Variants in ABTB3 observed in about 807,000 individuals in gnomAD.
The protein encoded by ABTB3 is ankyrin repeat and BTB domain containing 3.
chr12:107,583,678 A>G, the ABTB3 span, among the ~76,000 whole-genome samples: 10 of 152,198 alleles, frequency 6.6e-5, no homozygotes, highest in Non-Finnish European at 1.3e-4. Flanking sequence ...CTCTTTCTGC[A>G]TGGTCTAGCG....
At chr12:107,322,841 G>A in the ABTB3 span, among the ~76,000 whole-genome samples, 1 of 152,210 alleles carries the variant, frequency 6.6e-6, no homozygotes, top group Non-Finnish European at 1.5e-5. Context: ...AGTGACAGAT[G>A]AGTTCCCTGC....
the ABTB3 span, among the ~76,000 whole-genome samples, chr12:107,573,464 C>CGATGGATGGATGGATG: frequency 4.3e-3 from 597 of 139,610 alleles, 5 homozygotes; most frequent in East Asian, 0.024. Flanking sequence ...GTGGATGAAT[C>CGATGGATGGATGGATG]GATGGATGGA....
the ABTB3 span, among the ~76,000 whole-genome samples, chr12:107,388,269 G>T: frequency 3.3e-5 from 5 of 152,002 alleles, no homozygotes; most frequent in African/African-American, 9.6e-5. Context: ...ACCGCACCCG[G>T]CCCTTCTTCT....
At chr12:107,554,160 G>T in the ABTB3 span, among the ~76,000 whole-genome samples, 1 of 152,192 alleles carries the variant, frequency 6.6e-6, no homozygotes, top group Non-Finnish European at 1.5e-5. Flanking sequence ...AGTAGGTTAT[G>T]TCTCACCTGC....
At chr12:107,562,189 G>C in the ABTB3 span, among the ~76,000 whole-genome samples, 5 of 152,162 alleles carry the variant, frequency 3.3e-5, no homozygotes, top group African/African-American at 1.2e-4. Flanking sequence ...CAAAATATCT[G>C]CCTTTGTGGA....
chr12:107,535,914 T>C, the ABTB3 span, among the ~76,000 whole-genome samples: 1 of 152,114 alleles, frequency 6.6e-6, no homozygotes, highest in Non-Finnish European at 1.5e-5. Flanking sequence ...TTAAGGTTTA[T>C]ATGGAAATAC....
At chr12:107,580,920 G>C in the ABTB3 span, 464 of 1,551,382 alleles carry the variant, frequency 3.0e-4, 1 homozygote, top group Non-Finnish European at 3.5e-4. Context: ...AGGAAACTGA[G>C]GCCCAAGGAT....
chr12:107,581,409 C>T, the ABTB3 span: 1 of 977,112 alleles, frequency 1.0e-6, no homozygotes. Flanking sequence ...GCCCCGCACA[C>T]CTCGGCGGCG....
chr12:107,432,009 G>A, the ABTB3 span, among the ~76,000 whole-genome samples: 1 of 152,212 alleles, frequency 6.6e-6, no homozygotes, highest in African/African-American at 2.4e-5. Flanking sequence ...TTTATTTACT[G>A]CATGCTGTTT....
chr12:107,659,329 C>T, the ABTB3 span: 1 of 152,316 alleles, frequency 6.6e-6, no homozygotes, highest in Non-Finnish European at 1.5e-5. Flanking sequence ...CAAGGCCTCT[C>T]TTCCACATGA....
chr12:107,407,702 G>A, the ABTB3 span, among the ~76,000 whole-genome samples: 2 of 152,184 alleles, frequency 1.3e-5, no homozygotes, highest in African/African-American at 2.4e-5. Flanking sequence ...ATGGCAAGAG[G>A]CATGAGTGAA....
At chr12:107,353,372 C>T in the ABTB3 span, among the ~76,000 whole-genome samples, 1 of 152,058 alleles carries the variant, frequency 6.6e-6, no homozygotes, top group Admixed American at 6.6e-5. Flanking sequence ...AAGGAATGTT[C>T]CAGATTATCA....
At chr12:107,457,416 A>G in the ABTB3 span, among the ~76,000 whole-genome samples, 1 of 152,326 alleles carries the variant, frequency 6.6e-6, no homozygotes, top group African/African-American at 2.4e-5. Context: ...AGTTTTATTA[A>G]CTGTCACCAT....
chr12:107,551,641 C>T, the ABTB3 span, among the ~76,000 whole-genome samples: 6 of 152,220 alleles, frequency 3.9e-5, no homozygotes, highest in Non-Finnish European at 7.3e-5. Flanking sequence ...GCTGCTTTTG[C>T]ACTGTGACAG....
the ABTB3 span, among the ~76,000 whole-genome samples, chr12:107,337,705 C>T: frequency 2.1e-3 from 319 of 152,280 alleles, 3 homozygotes; most frequent in African/African-American, 7.4e-3. Context: ...TGGCCACATA[C>T]GGTAAGGGCA....
chr12:107,406,865 T>A, the ABTB3 span, among the ~76,000 whole-genome samples: 2 of 152,174 alleles, frequency 1.3e-5, no homozygotes, highest in Non-Finnish European at 2.9e-5. Flanking sequence ...CACTGGTGTA[T>A]AAAGCCTAAA....
chr12:107,575,867 G>C, the ABTB3 span, among the ~76,000 whole-genome samples: 5 of 152,292 alleles, frequency 3.3e-5, no homozygotes, highest in Non-Finnish European at 7.4e-5. Flanking sequence ...TCTTCGGTTA[G>C]GGGTGGGAGG....
At chr12:107,490,323 T>C in the ABTB3 span, among the ~76,000 whole-genome samples, 21 of 152,296 alleles carry the variant, frequency 1.4e-4, no homozygotes, top group African/African-American at 4.6e-4. Flanking sequence ...AATCTGGTCC[T>C]GGTCAACAGC....
the ABTB3 span, among the ~76,000 whole-genome samples, chr12:107,647,410 T>TG: frequency 1.3e-5 from 2 of 151,674 alleles, no homozygotes; most frequent in South Asian, 2.1e-4. Context: ...GAGGCTGAGG[T>TG]GGGGGGATTG....
Sources: allele counts gnomAD v4.1 joint callset (sites outside exome capture counted in the v4.1 genomes callset), GRCh38; gene constraint gnomAD v4.1.1; transcripts MANE v1.5; gene names NCBI Gene and HGNC (gene_info 2026-07-23, HGNC 2026-07-21).